The following SENP6 variants were observed in gnomAD, a reference collection of about 807,000 sequenced individuals.
SENP6 encodes the protein SUMO specific peptidase 6, also known as sentrin-specific protease 6.
A neutral mutation model predicts 134.5 loss-of-function variants in SENP6; 41 were observed. The observed-to-expected ratio is 0.30, with a 90% confidence interval of 0.24 to 0.40. The LOEUF (loss-of-function observed/expected upper bound fraction) is 0.40. Among genes scored for constraint, SENP6 ranks in the 10% least tolerant of loss-of-function variants. The probability of loss-of-function intolerance (pLI) is 1.00; values close to 1 mark genes in which losing one functional copy is unlikely to be tolerated. For synonymous variants in SENP6, 395 were observed against 429.8 expected (o/e 0.92, Z 1.00); for missense variants, 1,248 against 1,312.5 (o/e 0.95, Z 0.76).
intron 8 of SENP6, among the ~76,000 whole-genome samples, chr6:75,661,653 T>C (rs145522366): frequency 2.2e-4 from 33 of 152,382 alleles, no homozygotes; most frequent in Non-Finnish European, 4.3e-4. Context: ...TAAAGAATTG[T>C]AGCCAGCCTC....
chr6:75,697,665 A>G, intron 18 of SENP6, 148 bp downstream of exon 18: 2 of 585,806 alleles, frequency 3.4e-6, no homozygotes, highest in East Asian at 2.8e-5. Context: ...CTGTTTTACA[A>G]GAATTAATGC....
chr6:75,689,598 A>G (rs1774094509), intron 16 of SENP6, among the ~76,000 whole-genome samples: 1 of 152,210 alleles, frequency 6.6e-6, no homozygotes, highest in Non-Finnish European at 1.5e-5. Flanking sequence ...ATAACGTTTC[A>G]GTCAATTATG....
chr6:75,604,711 G>C (rs141386747), intron 1 of SENP6, among the ~76,000 whole-genome samples: 1 of 151,726 alleles, frequency 6.6e-6, no homozygotes, highest in East Asian at 1.9e-4. Context: ...CCAAATAAAT[G>C]ATATTTAATA....
At chr6:75,680,731 A>G (rs1450376930) in intron 16 of SENP6, among the ~76,000 whole-genome samples, 1 of 152,140 alleles carries the variant, frequency 6.6e-6, no homozygotes, top group Non-Finnish European at 1.5e-5. Flanking sequence ...TCCATTAGAG[A>G]TGGTATCAGT....
chr6:75,653,821 T>A (rs1771103303), intron 7 of SENP6, among the ~76,000 whole-genome samples: 1 of 152,246 alleles, frequency 6.6e-6, no homozygotes. Context: ...TACAAACTTG[T>A]AAACATACTG....
Position 75,647,771 on chromosome 6 carries a change from C to T in SENP6, c.520C>T (p.Pro174Ser), listed in dbSNP as rs768158333. The change falls in exon 7 of 24, where the codon CCT (proline) becomes TCT (serine). Residue 174 changes from proline to serine, a missense_variant. By Grantham distance (74) the Pro-to-Ser change is moderately conservative. Around this residue, in one of 3 missense-constraint regions of SENP6, gnomAD observed 733 missense variants for 725.4 expected, o/e 1.01. Coordinates refer to ENST00000447266, the MANE Select transcript of SENP6 (RefSeq NM_015571.4). The stretch of plus-strand genomic sequence containing the variant: ...TCATGTCCAAAAAGTTGAAATTAAT[C>T]CTGTAAGGTTAAGTCGGCTCCAAGG... Reference protein sequence around the residue: ...PPHVQKVEINPVRLSRLQGVE... With the variant: ...PPHVQKVEINSVRLSRLQGVE... 3.7e-6 allele frequency: 6 copies of T among 1,612,704 alleles called. No homozygotes were observed. In the South Asian group the frequency reaches 6.6e-5, roughly 18 times the overall value.
At chr6:75,675,552 A>T in intron 12 of SENP6, 84 bp downstream of exon 12, 1 of 849,508 alleles carries the variant, frequency 1.2e-6, no homozygotes, top group Non-Finnish European at 1.8e-6. Context: ...AATAATATTC[A>T]TAGAATTTAT....
At chr6:75,606,178 A>C (rs1767013752) in intron 1 of SENP6, among the ~76,000 whole-genome samples, 1 of 152,224 alleles carries the variant, frequency 6.6e-6, no homozygotes, top group Non-Finnish European at 1.5e-5. Context: ...TTATATCTTT[A>C]TAACTACTAA....
chr6:75,642,340 G>A (rs1203742943), intron 6 of SENP6, among the ~76,000 whole-genome samples: 1 of 152,212 alleles, frequency 6.6e-6, no homozygotes, highest in Non-Finnish European at 1.5e-5. Flanking sequence ...ATGGGTTGAT[G>A]TGATAGACTG....
chr6:75,606,824 T>G (rs1440075109), intron 1 of SENP6, among the ~76,000 whole-genome samples: 4 of 152,208 alleles, frequency 2.6e-5, no homozygotes, highest in Admixed American at 1.3e-4. Context: ...TCTTCTAGTT[T>G]CAAGCATTTC....
intron 7 of SENP6, among the ~76,000 whole-genome samples, chr6:75,651,103 T>C (rs1372979637): frequency 1.3e-5 from 2 of 152,188 alleles, no homozygotes; most frequent in Non-Finnish European, 2.9e-5. Context: ...GTTGCTTTTT[T>C]ATTTAGTTGC....
chr6:75,624,156 C>T (rs1018060798), intron 3 of SENP6, among the ~76,000 whole-genome samples, 196 bp downstream of exon 3: 4 of 152,122 alleles, frequency 2.6e-5, no homozygotes, highest in African/African-American at 9.7e-5. Context: ...ATTTCCACCT[C>T]CCATGTTACA....
intron 7 of SENP6, among the ~76,000 whole-genome samples, chr6:75,650,167 A>G (rs1161541272): frequency 2.6e-5 from 4 of 152,158 alleles, no homozygotes; most frequent in African/African-American, 9.7e-5. Flanking sequence ...GATTAAGGCT[A>G]TGCATTTGGG....
At chr6:75,627,834 G>A (rs529469701) in intron 3 of SENP6, among the ~76,000 whole-genome samples, 3 of 151,898 alleles carry the variant, frequency 2.0e-5, no homozygotes, top group African/African-American at 4.8e-5. Flanking sequence ...GTGCCACCAC[G>A]CCCGGCTAAT....
intron 7 of SENP6, among the ~76,000 whole-genome samples, chr6:75,649,795 G>A (rs762839109): frequency 2.0e-5 from 3 of 152,124 alleles, no homozygotes; most frequent in East Asian, 1.9e-4. Flanking sequence ...GATTACACGC[G>A]TCAGCCACCG....
At chr6:75,630,672 C>T (rs1291098671) in intron 3 of SENP6, among the ~76,000 whole-genome samples, 1 of 152,032 alleles carries the variant, frequency 6.6e-6, no homozygotes, top group East Asian at 1.9e-4. Context: ...CATATCTTTC[C>T]CCTTCTCTTT....
rs373658810 is a variant in SENP6, at chr6:75,659,413, T to C, written c.696+6T>C. 3.4e-5 allele frequency: 54 copies of C among 1,597,466 alleles called. No homozygotes were observed. The highest frequency in any genetic ancestry group is 4.5e-5 in the Non-Finnish European group (53 of 1,169,222). On this transcript the variant is annotated splice_donor_region_variant and intron_variant, in intron 8 of 23. Coordinates refer to ENST00000447266, the MANE Select transcript of SENP6 (RefSeq NM_015571.4). ...AATGTTTAACCCATTTAGAGGTAAGTAGAGAAATTATTCTTTGTTGCTAAT... is the reference window on the plus strand; with the variant it reads ...AATGTTTAACCCATTTAGAGGTAAGCAGAGAAATTATTCTTTGTTGCTAAT...
intron 2 of SENP6, among the ~76,000 whole-genome samples, chr6:75,623,066 TAAAA>T (rs896869373): frequency 1.3e-5 from 2 of 151,998 alleles, no homozygotes; most frequent in Non-Finnish European, 2.9e-5. Flanking sequence ...TTTTAATCAT[TAAAA>T]AAAAGTTTGG....
chr6:75,665,993 C>A (rs994611126), intron 9 of SENP6, among the ~76,000 whole-genome samples: 1 of 150,044 alleles, frequency 6.7e-6, no homozygotes, highest in African/African-American at 2.4e-5. Flanking sequence ...GCACTGTACT[C>A]CAGCCTGGGT....
Sources: allele counts gnomAD v4.1 joint callset (sites outside exome capture counted in the v4.1 genomes callset), GRCh38; gene constraint gnomAD v4.1.1; regional missense constraint gnomAD v4.1.1; transcripts MANE v1.5; gene names NCBI Gene and HGNC (gene_info 2026-07-23, HGNC 2026-07-21).